ZBTB8OS: variants seen among roughly 807,000 people sequenced by gnomAD.
The protein encoded by ZBTB8OS is tRNA splicing ligase complex subunit 1, also known as tRNA-splicing ligase-activating factor archease.
In ZBTB8OS, 16 loss-of-function variants were observed where a neutral mutation model predicts 29.3. The observed-to-expected ratio is 0.55, with a 90% CI of 0.37 to 0.83. ZBTB8OS has a LOEUF of 0.83. ZBTB8OS is among the 40% of genes least tolerant of loss of function. The pLI is 0.00. For missense variants in ZBTB8OS, 160 were observed against 196.9 expected (o/e 0.81, Z 1.12); for synonymous variants, 70 against 64.6 (o/e 1.08, Z -0.40).
intron 5 of ZBTB8OS, among the ~76,000 whole-genome samples, chr1:32,630,950 T>C (rs953026175): frequency 2.0e-5 from 3 of 151,464 alleles, no homozygotes; most frequent in South Asian, 2.1e-4. Context: ...GAGGTGGAGG[T>C]TGCAGTGAGC....
intron 1 of ZBTB8OS, 35 bp downstream of exon 1, chr1:32,650,398 T>C (rs751510429): frequency 3.7e-6 from 6 of 1,613,446 alleles, no homozygotes; most frequent in Admixed American, 3.3e-5. Context: ...GCCTGTGTGC[T>C]TACATGTAAA....
At chr1:32,631,308 C>A (rs1645535198) in intron 5 of ZBTB8OS, among the ~76,000 whole-genome samples, 1 of 149,652 alleles carries the variant, frequency 6.7e-6, no homozygotes, top group Non-Finnish European at 1.5e-5. Flanking sequence ...TGAGCCATGA[C>A]CACACCACTG....
intron 4 of ZBTB8OS, 94 bp from the exon 5 acceptor site, chr1:32,631,973 T>A: frequency 8.9e-6 from 3 of 338,474 alleles, no homozygotes; most frequent in Non-Finnish European, 1.1e-5. Flanking sequence ...TTGGACCATC[T>A]ACTAAAAATT....
chr1:32,644,534 CTTTTTTTTTT>C (rs57960226), intron 1 of ZBTB8OS, among the ~76,000 whole-genome samples: 63 of 127,062 alleles, frequency 5.0e-4, no homozygotes, highest in African/African-American at 1.9e-3. Context: ...TTTCTTTTTC[CTTTTTTTTTT>C]TTTTTTTTGG....
chr1:32,644,232 G>A (rs1480842893), intron 1 of ZBTB8OS, among the ~76,000 whole-genome samples: 2 of 152,126 alleles, frequency 1.3e-5, no homozygotes, highest in African/African-American at 2.4e-5. Flanking sequence ...TGGGAACTGC[G>A]GATATAGCTT....
chr1:32,637,316 C>T (rs1474923915), intron 1 of ZBTB8OS, among the ~76,000 whole-genome samples: 1 of 152,146 alleles, frequency 6.6e-6, no homozygotes, highest in Non-Finnish European at 1.5e-5. Context: ...GTAATCCCAA[C>T]ACTTGGGGAG....
upstream of ZBTB8OS, chr1:32,650,722 A>C: frequency 1.1e-6 from 1 of 897,040 alleles, no homozygotes; most frequent in Non-Finnish European, 1.7e-6. Context: ...CCAAAACCCC[A>C]TCTTCTGCGA....
chr1:32,629,436 A>G (rs12045915), intron 5 of ZBTB8OS, among the ~76,000 whole-genome samples: 20,813 of 152,068 alleles, frequency 0.14, 2,948 homozygotes, highest in African/African-American at 0.35. Flanking sequence ...CAACAAAAAC[A>G]AAACAAAAAA....
intron 6 of ZBTB8OS, among the ~76,000 whole-genome samples, chr1:32,626,027 C>T (rs1250358907): frequency 6.6e-6 from 1 of 152,036 alleles, no homozygotes; most frequent in African/African-American, 2.4e-5. Context: ...CGCCCGCCAC[C>T]GCACCCAGCT....
intron 6 of ZBTB8OS, 83 bp downstream of exon 6, chr1:32,627,425 C>T (rs1645203562): frequency 1.6e-6 from 2 of 1,245,110 alleles, no homozygotes; most frequent in East Asian, 2.3e-5. Flanking sequence ...CCAGTTAGAA[C>T]TAACTGAAGT....
In ZBTB8OS at chr1:32,621,766, C is replaced by T; in HGVS notation, c.*96G>A. 1.1e-6 allele frequency: 1 copy of T among 875,446 alleles called. No homozygotes were observed. The highest frequency in any genetic ancestry group is 1.8e-6 in the Non-Finnish European group (1 of 561,166). The allele number at this position is 875,446 out of a possible 1,614,324, so 54.2% of individuals were successfully genotyped here. The stretch of plus-strand genomic sequence containing the variant: ...TTCTGTTCTACAAATTTCCATATAT[C>T]AAAAAAAAGCTGTAGAATTTAATTC... On this transcript the variant is annotated 3_prime_UTR_variant, in exon 7 of 7. Coordinates refer to ENST00000468695, the MANE Select transcript of ZBTB8OS (RefSeq NM_178547.5).
At chr1:32,634,814 A>C (rs1308068131) in intron 1 of ZBTB8OS, 22 bp from the exon 2 acceptor site, 2 of 1,491,308 alleles carry the variant, frequency 1.3e-6, no homozygotes, top group Non-Finnish European at 1.9e-6. Context: ...AGGGAAAAAC[A>C]CTTATAAGAC....
chr1:32,636,439 C>T (rs931101305), intron 1 of ZBTB8OS, among the ~76,000 whole-genome samples: 6 of 152,170 alleles, frequency 3.9e-5, no homozygotes, highest in African/African-American at 1.2e-4. Context: ...GCCTGTAATC[C>T]CAGCACTTCG....
intron 1 of ZBTB8OS, among the ~76,000 whole-genome samples, chr1:32,649,633 AACACACACACACACACACACAC>A (rs962422171): frequency 1.8e-5 from 1 of 54,092 alleles, no homozygotes; most frequent in African/African-American, 5.4e-5. Flanking sequence ...CATCTCTAAA[AACACACACACACACACACACAC>A]ACACACACAC....
chr1:32,647,041 C>CAAAAAAAAAAA lies in ZBTB8OS; in HGVS notation c.97+3381_97+3391dup. Among the ~76,000 whole-genome samples, 16 of 39,394 alleles carry CAAAAAAAAAAA rather than the reference C, an allele frequency of 4.1e-4. 3 individuals carry two copies. In the East Asian group the frequency reaches 9.1e-3, roughly 22 times the overall value. 25.8% of individuals were successfully genotyped at this position (39,394 alleles called of 152,430 possible). A position where few individuals can be genotyped will look rare whatever the true frequency, so the allele number is the denominator to read the frequency against. Reference sequence around the variant, plus strand: ...TGGGAGACAGAGCAAGATACTGTCTCAAAAAAAAAAAAAAAAAAAAAAAAA... The same window carrying CAAAAAAAAAAA: ...TGGGAGACAGAGCAAGATACTGTCTCAAAAAAAAAAAAAAAAAAAAAAAAAAAAAAAAAAAA... On this transcript the variant is annotated intron_variant, in intron 1 of 6. Coordinates refer to ENST00000468695, the MANE Select transcript of ZBTB8OS (RefSeq NM_178547.5).
chr1:32,629,753 T>C (rs1050904494), intron 5 of ZBTB8OS, among the ~76,000 whole-genome samples: 20 of 114,350 alleles, frequency 1.7e-4, no homozygotes, highest in East Asian at 1.5e-3. Flanking sequence ...TTGTTTCTTT[T>C]TTTTTTTTTT....
intron 6 of ZBTB8OS, among the ~76,000 whole-genome samples, chr1:32,626,673 T>C (rs1382069130): frequency 2.0e-5 from 3 of 152,142 alleles, no homozygotes; most frequent in Non-Finnish European, 4.4e-5. Context: ...CTCAGCCTCC[T>C]GAGCAGCTAG....
intron 1 of ZBTB8OS, among the ~76,000 whole-genome samples, chr1:32,637,874 C>A (rs1370467710): frequency 6.6e-6 from 1 of 152,070 alleles, no homozygotes; most frequent in Non-Finnish European, 1.5e-5. Flanking sequence ...CGCTCTGTAG[C>A]CCCGGCTGGA....
intron 1 of ZBTB8OS, among the ~76,000 whole-genome samples, chr1:32,649,651 CACACACACACACACACAT>C (rs1647147649): frequency 1.4e-5 from 2 of 139,052 alleles, no homozygotes; most frequent in Non-Finnish European, 3.0e-5. Flanking sequence ...CACACACACA[CACACACACACACACACAT>C]TTTTTTTTTT....
Sources: gnomAD v4.1 joint callset for allele counts (sites outside exome capture counted in the v4.1 genomes callset) on GRCh38, gnomAD v4.1.1 for gene constraint, MANE v1.5 for transcripts, NCBI Gene and HGNC (gene_info 2026-07-23, HGNC 2026-07-21) for gene names.